Variants in FAM114A1 observed in about 807,000 individuals in gnomAD.
FAM114A1 encodes the protein family with sequence similarity 114 member A1, also known as protein NOXP20.
FAM114A1 carries 62 observed loss-of-function variants against 64.3 expected under a neutral mutation model. The ratio of observed to expected loss-of-function variants is 0.96; its 90% CI spans 0.79 to 1.19. The LOEUF (loss-of-function observed/expected upper bound fraction) is 1.19. FAM114A1 is among the 50% of genes most tolerant of loss of function. FAM114A1 has a pLI of 0.00. For synonymous variants in FAM114A1, 254 were observed against 251.1 expected, an observed-to-expected ratio of 1.01 and a Z score of -0.11; for missense variants, 645 against 676.3, an observed-to-expected ratio of 0.95 and a Z score of 0.51.
chr4:38,901,574 G>T (rs949218157), intron 4 of FAM114A1, among the ~76,000 whole-genome samples: 1 of 152,216 alleles, frequency 6.6e-6, no homozygotes, highest in Non-Finnish European at 1.5e-5. Flanking sequence ...TTACAGGCAT[G>T]AGCCACCATG....
At chr4:38,912,869 G>A (rs116123810) in intron 7 of FAM114A1, among the ~76,000 whole-genome samples, 408 of 152,284 alleles carry the variant, frequency 2.7e-3, no homozygotes, top group African/African-American at 9.2e-3. Flanking sequence ...AGATCAGTGC[G>A]GGTAATTAGT....
chr4:38,927,325 A>C (rs1396008124), intron 9 of FAM114A1, among the ~76,000 whole-genome samples: 1 of 152,206 alleles, frequency 6.6e-6, no homozygotes, highest in Non-Finnish European at 1.5e-5. Flanking sequence ...CGAAGCTCAA[A>C]GTGCTGGCAG....
intron 2 of FAM114A1, among the ~76,000 whole-genome samples, chr4:38,868,871 G>A (rs1713738400): frequency 6.6e-6 from 1 of 152,140 alleles, no homozygotes; most frequent in Non-Finnish European, 1.5e-5. Flanking sequence ...CTTCCATCAA[G>A]CCTGAGCTTG....
At chr4:38,908,189 G>T (rs1193903125) in intron 6 of FAM114A1, among the ~76,000 whole-genome samples, 1 of 151,786 alleles carries the variant, frequency 6.6e-6, no homozygotes, top group East Asian at 1.9e-4. Context: ...TCTGTTACTT[G>T]GGTTAAAAAA....
At chr4:38,912,382 TTTTG>T (rs376807495) in intron 7 of FAM114A1, among the ~76,000 whole-genome samples, 8 of 151,714 alleles carry the variant, frequency 5.3e-5, no homozygotes, top group South Asian at 4.2e-4. Flanking sequence ...CCCAGTTGTG[TTTTG>T]TTTGTTTGTT....
chr4:38,936,089 G>T (rs375436938), intron 13 of FAM114A1, among the ~76,000 whole-genome samples: 12 of 144,630 alleles, frequency 8.3e-5, no homozygotes, highest in South Asian at 2.1e-4. Context: ...TTTTTGTTTT[G>T]TTTTTTTTGT....
chr4:38,931,099 T>G (rs548021810), intron 10 of FAM114A1, among the ~76,000 whole-genome samples: 4 of 152,336 alleles, frequency 2.6e-5, no homozygotes, highest in Admixed American at 2.0e-4. Flanking sequence ...AAAATACTAT[T>G]ATTCTTTTAT....
intron 8 of FAM114A1, among the ~76,000 whole-genome samples, chr4:38,915,424 C>G (rs1718953055): frequency 6.6e-6 from 1 of 152,140 alleles, no homozygotes; most frequent in African/African-American, 2.4e-5. Context: ...CCCTGCCAGC[C>G]CACATCTTCA....
chr4:38,940,847 C>G (rs1166615525), intron 13 of FAM114A1, 121 bp from the exon 14 acceptor site: 7 of 1,005,648 alleles, frequency 7.0e-6, no homozygotes, highest in Non-Finnish European at 1.1e-5. Context: ...AGGAAGCATT[C>G]TGCTTCCCCT....
In FAM114A1 at chr4:38,913,460, G is replaced by T. The variant is rs373245114; in HGVS notation, c.793-1461G>T. ...GTTGCCCAGGCTGGAGTGCAACGGC[G>T]CAGTCTCGGCTCACTGCGCCTCCGG... On this transcript the variant is annotated intron_variant, in intron 7 of 14. Coordinates refer to ENST00000358869, the MANE Select transcript of FAM114A1 (RefSeq NM_138389.4). Among the ~76,000 whole-genome samples, 27 of 152,244 alleles carry T rather than the reference G, an allele frequency of 1.8e-4. No individual in the cohort carries two copies. In the South Asian group the frequency reaches 4.4e-3, roughly 25 times the overall value.
At position 38,915,175 on chromosome 4, in the gene FAM114A1, C is replaced by T. The variant is rs537448552; in HGVS notation, c.945+102C>T. 23 of 1,426,498 alleles carry T rather than the reference C, an allele frequency of 1.6e-5. No individual in the cohort carries two copies. In the Admixed American group the frequency reaches 3.2e-4, roughly 20 times the overall value. 88.4% of individuals were successfully genotyped at this position (1,426,498 alleles called of 1,614,324 possible). On this transcript the variant is annotated intron_variant, in intron 8 of 14. Transcript: ENST00000358869. ...CCATTAAAAGATCTCATTTTTAGAG[C>T]CTCATTATTATTGTGCTGAGGTCAG...
In FAM114A1 at chr4:38,905,559, C is replaced by A; in HGVS notation, c.474C>A (p.Ala158=). The A allele has an allele frequency of 1.2e-6, 2 of 1,614,106 alleles. No homozygotes were observed. Among genetic ancestry groups the A allele is most frequent in the East Asian group, 2.2e-5 (1 of 44,888 alleles). ...CGGCAGTCAAGGAAAAAGCAGGAGC[C>A]ACTCTACGGATTCATGGTGTAAATT... The part of the protein sequence containing the change: ...GLTAVKEKAG[A]TLRIHGVNSG... The change falls in exon 5 of 15, where the codon GCC becomes GCA. Residue 158 remains alanine, a synonymous_variant. Coordinates refer to ENST00000358869, the MANE Select transcript of FAM114A1 (RefSeq NM_138389.4).
In FAM114A1 at chr4:38,877,925, TTGCACTCCAGCCTAGGCAACAAGAGCG is replaced by T. The variant is rs1479821683; in HGVS notation, c.-8-145_-8-119del. On this transcript the variant is annotated intron_variant, in intron 2 of 14. Coordinates refer to ENST00000358869, the MANE Select transcript of FAM114A1 (RefSeq NM_138389.4). ...GTTGCAGTGAGCTGAGATCATGCCA[TTGCACTCCAGCCTAGGCAACAAGAGCG>T]AAACTCCGTCTCAAAAAAAAAAAAA... The T allele has an allele frequency of 4.6e-6, 3 of 651,708 alleles. No individual in the cohort carries two copies. In the African/African-American group the frequency reaches 5.6e-5, roughly 12 times the overall value. The allele number at this position is 651,708 out of a possible 1,614,324, so 40.4% of individuals were successfully genotyped here. A position where few individuals can be genotyped will look rare whatever the true frequency, so the allele number is the denominator to read the frequency against.
rs968325387 is a variant in FAM114A1 at position 38,932,175 on chromosome 4, A to AT, written c.1324-53dup. 327 of 1,532,214 alleles carry AT rather than the reference A, an allele frequency of 2.1e-4. 1 individual carries two copies. Among genetic ancestry groups the AT allele is most frequent in the Non-Finnish European group, 4.3e-5 (49 of 1,140,078 alleles). 94.9% of individuals were successfully genotyped at this position (1,532,214 alleles called of 1,614,324 possible). ...ATTATATCACTTCTAATGTCACAGC[A>AT]TTTTTTTAAAAAAGCATCTGCTCAG... On this transcript the variant is annotated intron_variant, in intron 11 of 14. Coordinates refer to ENST00000358869, the MANE Select transcript of FAM114A1 (RefSeq NM_138389.4).
intron 12 of FAM114A1, among the ~76,000 whole-genome samples, chr4:38,935,249 A>G (rs529840147): frequency 4.6e-5 from 7 of 152,308 alleles, no homozygotes; most frequent in African/African-American, 1.7e-4. Flanking sequence ...TTTTCCATCT[A>G]TATAAAATGG....
At chr4:38,928,572 A>G (rs1158815206) in intron 9 of FAM114A1, among the ~76,000 whole-genome samples, 1 of 152,140 alleles carries the variant, frequency 6.6e-6, no homozygotes, top group Non-Finnish European at 1.5e-5. Flanking sequence ...TTTAGCACCT[A>G]TGATATGTGA....
rs112822990 is a variant in FAM114A1 at position 38,908,017 on chromosome 4, C to T, written c.658-575C>T. 1.9e-3 allele frequency among the ~76,000 whole-genome samples: 292 copies of T among 152,264 alleles called. 2 individuals are homozygous for T. The highest frequency in any genetic ancestry group is 5.8e-3 in the African/African-American group (240 of 41,550). On this transcript the variant is annotated intron_variant, in intron 6 of 14. Coordinates refer to ENST00000358869, the MANE Select transcript of FAM114A1 (RefSeq NM_138389.4). Reference sequence around the variant, plus strand: ...GAAGTACAAGGAAATCAACCTGTCTCATTTCATGGATATACTAATTATAGG... The same window carrying T: ...GAAGTACAAGGAAATCAACCTGTCTTATTTCATGGATATACTAATTATAGG...
At chr4:38,893,320 T>C (rs534685167) in intron 4 of FAM114A1, among the ~76,000 whole-genome samples, 22 of 152,298 alleles carry the variant, frequency 1.4e-4, no homozygotes, top group African/African-American at 5.3e-4. Context: ...AAAAAGTAAA[T>C]AATATGGTCA....
intron 3 of FAM114A1, among the ~76,000 whole-genome samples, chr4:38,888,248 G>A (rs977995144): frequency 6.6e-6 from 1 of 151,612 alleles, no homozygotes; most frequent in Non-Finnish European, 1.5e-5. Context: ...CTTGGGCCAG[G>A]TGCAGTCACC....
Sources: allele counts gnomAD v4.1 joint callset (sites outside exome capture counted in the v4.1 genomes callset), GRCh38; gene constraint gnomAD v4.1.1; transcripts MANE v1.5; gene names NCBI Gene and HGNC (gene_info 2026-07-23, HGNC 2026-07-21).